The following ASCC3 variants were observed in gnomAD, a reference collection of about 807,000 sequenced individuals.
ASCC3 encodes activating signal cointegrator 1 complex subunit 3, also known as ASC-1 complex subunit P200.
In ASCC3, 158 loss-of-function variants were observed where a neutral mutation model predicts 256.3. That is an observed-to-expected ratio of 0.62 (90% CI 0.54 to 0.70). The LOEUF (loss-of-function observed/expected upper bound fraction) is 0.70, where lower values mean the gene tolerates loss of function less well. Among genes scored for constraint, ASCC3 ranks in the 30% least tolerant of loss-of-function variants. ASCC3 has a pLI of 0.00. For synonymous variants in ASCC3, 948 were observed against 883.4 expected, an observed-to-expected ratio of 1.07 and a Z score of -1.30; for missense variants, 2,259 against 2,626.0, an observed-to-expected ratio of 0.86 and a Z score of 3.05.
At chr6:100,778,862 C>T (rs1020676132) in intron 8 of ASCC3, among the ~76,000 whole-genome samples, 3 of 151,858 alleles carry the variant, frequency 2.0e-5, no homozygotes, top group Non-Finnish European at 4.4e-5. Flanking sequence ...ATTTGAGAAA[C>T]GTTTGGCTAT....
intron 13 of ASCC3, among the ~76,000 whole-genome samples, chr6:100,690,484 A>G (rs763676863): frequency 8.5e-5 from 13 of 152,150 alleles, no homozygotes; most frequent in Non-Finnish European, 1.6e-4. Context: ...ATAATTTACT[A>G]AAAATAGGGC....
rs142305500 is a variant in ASCC3 at position 100,622,932 on chromosome 6, T to G, written c.4785+2260A>C. Among the ~76,000 whole-genome samples the G allele has an allele frequency of 5.6e-4, 85 of 152,204 alleles. 1 individual carries two copies. The highest frequency in any genetic ancestry group is 1.9e-3 in the African/African-American group (81 of 41,564). On this transcript the variant is annotated intron_variant, in intron 30 of 41. Coordinates refer to ENST00000369162, the MANE Select transcript of ASCC3 (RefSeq NM_006828.4). The stretch of plus-strand genomic sequence containing the variant: ...AAAGAAACACAGTGGAAGTGTACAC[T>G]GTGATAATGCACAATGTCTATATAC...
intron 8 of ASCC3, among the ~76,000 whole-genome samples, chr6:100,772,904 T>A (rs537606470): frequency 6.6e-6 from 1 of 152,308 alleles, no homozygotes; most frequent in East Asian, 1.9e-4. Flanking sequence ...TGCAAGGTAA[T>A]ATTGCAAGGT....
At chr6:100,548,367 A>T (rs1249630132) in intron 36 of ASCC3, among the ~76,000 whole-genome samples, 2 of 151,974 alleles carry the variant, frequency 1.3e-5, no homozygotes. Context: ...CCATGCCCAT[A>T]TTACATGCCA....
intron 22 of ASCC3, 126 bp from the exon 23 acceptor site, chr6:100,644,255 AT>A (rs1333706912): frequency 2.0e-5 from 14 of 699,700 alleles, no homozygotes; most frequent in Middle Eastern, 2.4e-4. Flanking sequence ...TCATTTAAAC[AT>A]TTCAAGTATA....
intron 8 of ASCC3, among the ~76,000 whole-genome samples, chr6:100,789,995 C>T (rs1191158921): frequency 6.6e-6 from 1 of 151,932 alleles, no homozygotes; most frequent in African/African-American, 2.4e-5. Flanking sequence ...TTAAACACGT[C>T]CTCTCTAAAC....
At chr6:100,853,997 A>G (rs1430236467) in intron 3 of ASCC3, among the ~76,000 whole-genome samples, 1 of 152,124 alleles carries the variant, frequency 6.6e-6, no homozygotes, top group Non-Finnish European at 1.5e-5. Flanking sequence ...TTTTCCCTCT[A>G]TATATTCCTG....
chr6:100,716,735 A>G (rs1244295646), intron 12 of ASCC3, among the ~76,000 whole-genome samples: 1 of 151,948 alleles, frequency 6.6e-6, no homozygotes, highest in African/African-American at 2.4e-5. Context: ...CATGATTATG[A>G]TGGTAACGTA....
chr6:100,581,243 G>A (rs1200159106), intron 36 of ASCC3, among the ~76,000 whole-genome samples: 1 of 152,190 alleles, frequency 6.6e-6, no homozygotes, highest in African/African-American at 2.4e-5. Context: ...TCCAGCACCT[G>A]TTGTTTCCTG....
intron 25 of ASCC3, among the ~76,000 whole-genome samples, chr6:100,637,577 A>G (rs2114881074): frequency 6.6e-6 from 1 of 152,244 alleles, no homozygotes; most frequent in East Asian, 1.9e-4. Flanking sequence ...CCTCTGATGG[A>G]CCTGGGCAGA....
chr6:100,879,121 A>G (rs1298055513), intron 1 of ASCC3, among the ~76,000 whole-genome samples: 1 of 152,218 alleles, frequency 6.6e-6, no homozygotes, highest in Admixed American at 6.5e-5. Context: ...ATTATAAAGG[A>G]TATTACAAAG....
At chr6:100,826,161 T>A (rs1771297305) in intron 4 of ASCC3, among the ~76,000 whole-genome samples, 1 of 151,946 alleles carries the variant, frequency 6.6e-6, no homozygotes, top group African/African-American at 2.4e-5. Context: ...TGAGACAGTC[T>A]CCCTCTATCA....
rs746183615 is a variant in ASCC3, at chr6:100,818,002, T to C, written c.802-12122A>G. 5.7e-4 allele frequency among the ~76,000 whole-genome samples: 87 copies of C among 152,164 alleles called. 1 individual carries two copies. Among genetic ancestry groups the C allele is most frequent in the Admixed American group, 2.6e-3 (40 of 15,282 alleles). ...AGGAATATGAACACAAAATCCTCAA[T>C]GAAATACAAGCAAACCAAAAGCATC... On this transcript the variant is annotated intron_variant, in intron 4 of 41. Transcript: ENST00000369162.
In ASCC3 at chr6:100,540,434, T is replaced by A. The variant is rs1405793329; in HGVS notation, c.5551-47A>T. On this transcript the variant is annotated intron_variant, in intron 36 of 41. Coordinates refer to ENST00000369162, the MANE Select transcript of ASCC3 (RefSeq NM_006828.4). ...ACATTGTTGGATCAAAGTATAATAA[T>A]TAATGTACTTCTTAGCTTTACTGAC... 8 of 1,442,544 alleles carry A rather than the reference T, an allele frequency of 5.5e-6. No individual in the cohort carries two copies. The South Asian group carries it at 9.4e-5, about 17-fold the overall frequency. 89.4% of individuals were successfully genotyped at this position (1,442,544 alleles called of 1,614,324 possible). A position where few individuals can be genotyped will look rare whatever the true frequency, so the allele number is the denominator to read the frequency against.
chr6:100,875,210 C>T (rs146073085), intron 1 of ASCC3, among the ~76,000 whole-genome samples: 3 of 152,136 alleles, frequency 2.0e-5, no homozygotes, highest in Non-Finnish European at 4.4e-5. Flanking sequence ...TTTAGGAGAT[C>T]AGTATACTTG....
chr6:100,817,914 G>T (rs1046338617), intron 4 of ASCC3, among the ~76,000 whole-genome samples: 1 of 152,130 alleles, frequency 6.6e-6, no homozygotes, highest in Admixed American at 6.5e-5. Context: ...TTTTAGGACA[G>T]TATTACTCTG....
chr6:100,612,163 A>T (rs1773432502), intron 30 of ASCC3, among the ~76,000 whole-genome samples: 1 of 151,984 alleles, frequency 6.6e-6, no homozygotes, highest in Non-Finnish European at 1.5e-5. Context: ...TTTTATATTT[A>T]TTATACTCAA....
chr6:100,859,141 G>A (rs756591494), intron 3 of ASCC3: 1 of 779,966 alleles, frequency 1.3e-6, no homozygotes, highest in Non-Finnish European at 2.4e-6. Flanking sequence ...CAGAAGCTCT[G>A]CTCATCTTCT....
chr6:100,786,912 T>C (rs12664423), intron 8 of ASCC3, among the ~76,000 whole-genome samples: 14 of 152,174 alleles, frequency 9.2e-5, no homozygotes, highest in African/African-American at 3.4e-4. Context: ...TAACTGATTA[T>C]CTATATTTAA....
Sources: allele counts gnomAD v4.1 joint callset (sites outside exome capture counted in the v4.1 genomes callset), GRCh38; gene constraint gnomAD v4.1.1; transcripts MANE v1.5; gene names NCBI Gene and HGNC (gene_info 2026-07-23, HGNC 2026-07-21).